Variants in PHTF1 observed in about 807,000 individuals in gnomAD.
The protein encoded by PHTF1 is protein PHTF1.
In PHTF1, 88 loss-of-function variants were observed where a neutral mutation model predicts 102.4. That is an observed-to-expected ratio of 0.86 (90% CI 0.72 to 1.03). The LOEUF (loss-of-function observed/expected upper bound fraction) is 1.03. PHTF1 is among the 50% of genes least tolerant of loss of function. The pLI is 0.00. For missense variants in PHTF1, 814 were observed against 909.5 expected (o/e 0.89, Z 1.35); for synonymous variants, 289 against 305.2 (o/e 0.95, Z 0.55).
chr1:113,706,838 CCTTT>C (rs1553223598), intron 11 of PHTF1, 116 bp from the exon 12 acceptor site: 21 of 520,912 alleles, frequency 4.0e-5, no homozygotes, highest in South Asian at 6.7e-5. Context: ...TAATGCTGGT[CCTTT>C]CTTTCTTTCT....
intron 4 of PHTF1, 71 bp from the exon 5 acceptor site, chr1:113,738,339 C>T (rs1459855088): frequency 3.5e-6 from 4 of 1,145,068 alleles, no homozygotes; most frequent in African/African-American, 1.6e-5. Flanking sequence ...TGTAGCACTA[C>T]ATTAAAAATA....
At chr1:113,726,788 T>C (rs1653910265) in intron 5 of PHTF1, among the ~76,000 whole-genome samples, 1 of 152,238 alleles carries the variant, frequency 6.6e-6, no homozygotes, top group Non-Finnish European at 1.5e-5. Context: ...TAAAAGGATT[T>C]ACCTTTCTAG....
At chr1:113,705,840 A>T in intron 13 of PHTF1, 50 bp downstream of exon 13, 3 of 1,428,148 alleles carry the variant, frequency 2.1e-6, no homozygotes, top group Non-Finnish European at 2.9e-6. Context: ...AACTCAATGG[A>T]ATATCATATA....
chr1:113,734,605 G>T (rs564749911), intron 5 of PHTF1, among the ~76,000 whole-genome samples: 1 of 152,326 alleles, frequency 6.6e-6, no homozygotes, highest in Non-Finnish European at 1.5e-5. Context: ...CTTCCTATGT[G>T]CTTATAGTAA....
At chr1:113,703,809 C>A in intron 15 of PHTF1, 1 of 383,602 alleles carries the variant, frequency 2.6e-6, no homozygotes, top group Non-Finnish European at 4.7e-6. Flanking sequence ...ATAATGTAGT[C>A]AGAAAATCAG....
At chr1:113,712,418 G>C (rs1425981227) in intron 8 of PHTF1, among the ~76,000 whole-genome samples, 5 of 152,088 alleles carry the variant, frequency 3.3e-5, no homozygotes, top group Non-Finnish European at 7.3e-5. Flanking sequence ...TACTAAATCT[G>C]TTTGGAGCTG....
In PHTF1 at chr1:113,710,248, A is replaced by G; in HGVS notation, c.1269+6T>C. 6.2e-7 allele frequency: 1 copy of G among 1,603,536 alleles called. No individual in the cohort carries two copies. The highest frequency in any genetic ancestry group is 1.3e-5 in the African/African-American group (1 of 74,840). The stretch of plus-strand genomic sequence containing the variant: ...TACTAGCTATTCTTATCATGTCTGC[A>G]CAGACCTGCTGAAAAACATCCTCTT... On this transcript the variant is annotated splice_donor_region_variant and intron_variant, in intron 11 of 18. Transcript: ENST00000369604.
chr1:113,712,330 C>A (rs1453591295), intron 8 of PHTF1, among the ~76,000 whole-genome samples: 1 of 152,022 alleles, frequency 6.6e-6, no homozygotes, highest in Admixed American at 6.6e-5. Flanking sequence ...ATGTAGTATT[C>A]AAAAACCAAG....
chr1:113,713,711 C>CGAGA, intron 7 of PHTF1: 1 of 325,724 alleles, frequency 3.1e-6, no homozygotes, highest in South Asian at 3.4e-5. Context: ...GTTCACAGTC[C>CGAGA]TCTCCACATC....
At chr1:113,722,501 G>T (rs749870037) in intron 7 of PHTF1, among the ~76,000 whole-genome samples, 1 of 152,114 alleles carries the variant, frequency 6.6e-6, no homozygotes, top group East Asian at 1.9e-4. Flanking sequence ...TTATGAACTG[G>T]AAGAATGACT....
chr1:113,748,932 T>C (rs1002797529), intron 3 of PHTF1, among the ~76,000 whole-genome samples: 7 of 152,354 alleles, frequency 4.6e-5, no homozygotes, highest in African/African-American at 1.7e-4. Flanking sequence ...TGACAGATAA[T>C]ATTCTATGTA....
intron 7 of PHTF1, among the ~76,000 whole-genome samples, chr1:113,719,781 T>C (rs1652625141): frequency 6.6e-6 from 1 of 152,158 alleles, no homozygotes; most frequent in Non-Finnish European, 1.5e-5. Flanking sequence ...AACACCCCAC[T>C]CTACTGGTAC....
chr1:113,738,355 G>A, intron 4 of PHTF1, 87 bp from the exon 5 acceptor site: 1 of 968,854 alleles, frequency 1.0e-6, no homozygotes, highest in Non-Finnish European at 1.5e-6. Flanking sequence ...AAATAGGTGA[G>A]TGCAAAAATC....
At chr1:113,706,262 T>C (rs1236663676) in intron 12 of PHTF1, 100 bp from the exon 13 acceptor site, 22 of 999,360 alleles carry the variant, frequency 2.2e-5, no homozygotes, top group Non-Finnish European at 3.1e-5. Context: ...AAACACATTC[T>C]AAAAGTATAA....
chr1:113,728,236 G>C (rs1345279095), intron 5 of PHTF1, among the ~76,000 whole-genome samples: 1 of 152,116 alleles, frequency 6.6e-6, no homozygotes, highest in Non-Finnish European at 1.5e-5. Context: ...AATATATAAG[G>C]AGCTCAAACA....
chr1:113,716,451 C>T (rs1194744924), intron 7 of PHTF1, among the ~76,000 whole-genome samples: 1 of 142,412 alleles, frequency 7.0e-6, no homozygotes, highest in African/African-American at 2.6e-5. Flanking sequence ...CTCAGGCGAT[C>T]TTCTTGTCTC....
In PHTF1 at chr1:113,713,455, G is replaced by T. The variant is rs1212397940; in HGVS notation, c.624-17C>A. On this transcript the variant is annotated splice_polypyrimidine_tract_variant and intron_variant, in intron 7 of 18. Coordinates refer to ENST00000369604, the MANE Select transcript of PHTF1 (RefSeq NM_001323043.2). The stretch of plus-strand genomic sequence containing the variant: ...CTTTTAATCCTATTTTTTAAAAAAG[G>T]AAAAGAAGATTAATTTTTTGAAAGT... The T allele has an allele frequency of 1.4e-6, 2 of 1,399,452 alleles. No homozygotes were observed. The highest frequency in any genetic ancestry group is 4.1e-5 in the Admixed American group (2 of 48,408). 86.7% of individuals were successfully genotyped at this position (1,399,452 alleles called of 1,614,324 possible).
In PHTF1 at chr1:113,706,103, T is replaced by C. The variant is rs541404540; in HGVS notation, c.1458A>G (p.Gly486=). The C allele has an allele frequency of 6.8e-5, 110 of 1,613,990 alleles. 1 individual carries two copies. The South Asian group carries it at 1.2e-3, about 17-fold the overall frequency. The change falls in exon 13 of 19, where the codon GGA becomes GGG. Residue 486 remains glycine, a synonymous_variant. Transcript: ENST00000369604. ...GATGTAAGAATGGAAAAAATGCTAA[T>C]CCAATAGTGACAACATTTCCCAGCA... The part of the protein sequence containing the change: ...YQMLGNVVTI[G]LAFFPFLHRL...
intron 12 of PHTF1, 37 bp from the exon 13 acceptor site, chr1:113,706,199 TAGC>T: frequency 6.5e-7 from 1 of 1,538,916 alleles, no homozygotes; most frequent in South Asian, 1.2e-5. Flanking sequence ...ATTATTGTGT[TAGC>T]TAAATGGAGT....
Sources: gnomAD v4.1 joint callset for allele counts (sites outside exome capture counted in the v4.1 genomes callset) on GRCh38, gnomAD v4.1.1 for gene constraint, MANE v1.5 for transcripts, NCBI Gene and HGNC (gene_info 2026-07-23, HGNC 2026-07-21) for gene names.